COPE: variants seen among roughly 807,000 people sequenced by gnomAD.
COPE encodes coatomer subunit epsilon.
In COPE, 19 loss-of-function variants were observed where a neutral mutation model predicts 42.1. That is an observed-to-expected ratio of 0.45 (90% confidence interval 0.31 to 0.66). The LOEUF is 0.66. Among genes scored for constraint, COPE ranks in the 30% least tolerant of loss-of-function variants. The pLI, the probability that COPE is intolerant of heterozygous loss-of-function variation, is 0.05. For missense variants in COPE, 402 were observed against 416.1 expected (o/e 0.97, Z 0.30); for synonymous variants, 195 against 181.3 (o/e 1.08, Z -0.60).
At chr19:18,912,921 T>C in intron 2 of COPE, 63 bp downstream of exon 2, 1 of 1,548,848 alleles carries the variant, frequency 6.5e-7, no homozygotes, top group South Asian at 1.1e-5. Context: ...GGTGCCTTCC[T>C]GTCCCCAGCC....
chr19:18,906,739 G>GC lies in COPE; in HGVS notation c.443+220dup. 9.6e-6 allele frequency: 5 copies of GC among 522,208 alleles called. No homozygotes were observed. The South Asian group carries it at 1.4e-4, about 15-fold the overall frequency. The allele number at this position is 522,208 out of a possible 1,614,324, so 32.3% of individuals were successfully genotyped here. A position where few individuals can be genotyped will look rare whatever the true frequency, so the allele number is the denominator to read the frequency against. On this transcript the variant is annotated intron_variant, in intron 4 of 9. Coordinates refer to ENST00000262812, the MANE Select transcript of COPE (RefSeq NM_007263.4). ...CTGCCCTTGGGAACAGAGGGTTGCA[G>GC]CCTGGGCACCGTGTCCTTGGATCTG...
chr19:18,909,575 C>T (rs896171865), intron 3 of COPE, among the ~76,000 whole-genome samples: 1 of 148,706 alleles, frequency 6.7e-6, no homozygotes, highest in African/African-American at 2.5e-5. Context: ...CTGGAGTGCA[C>T]TAGTGCGATC....
chr19:18,899,951 C>CA lies in COPE; in HGVS notation c.805-5dup, dbSNP rs2056680706. 1 of 1,611,178 alleles carries CA rather than the reference C, an allele frequency of 6.2e-7. No individual in the cohort carries two copies. The highest frequency in any genetic ancestry group is 1.3e-5 in the African/African-American group (1 of 74,896). On this transcript the variant is annotated splice_polypyrimidine_tract_variant and splice_region_variant and intron_variant, in intron 8 of 9. Transcript: ENST00000262812. Reference sequence around the variant, plus strand: ...GGGACAGGTATCGGTTTGTCACCTGCAGGGGAGGCAGGGAGGCAGGTGAGC... The same window carrying CA: ...GGGACAGGTATCGGTTTGTCACCTGCAAGGGGAGGCAGGGAGGCAGGTGAGC...
At chr19:18,902,091 A>G (rs2056704360) in intron 7 of COPE, among the ~76,000 whole-genome samples, 1 of 150,048 alleles carries the variant, frequency 6.7e-6, no homozygotes, top group Non-Finnish European at 1.5e-5. Flanking sequence ...GAGGCAGGAG[A>G]ATGGCATGAA....
intron 1 of COPE, among the ~76,000 whole-genome samples, chr19:18,915,554 G>A (rs914735684): frequency 6.6e-6 from 1 of 152,176 alleles, no homozygotes; most frequent in East Asian, 1.9e-4. Context: ...GGCTCACTAC[G>A]ATCACCTGGG....
At chr19:18,917,658 C>T (rs1316246476) in intron 1 of COPE, among the ~76,000 whole-genome samples, 1 of 151,962 alleles carries the variant, frequency 6.6e-6, no homozygotes. Context: ...CCACCGCGCC[C>T]GGCCAGGAAA....
intron 1 of COPE, among the ~76,000 whole-genome samples, chr19:18,918,197 AAAAAAAGAAAAG>A (rs897135224): frequency 2.7e-5 from 4 of 149,272 alleles, no homozygotes; most frequent in African/African-American, 9.9e-5. Context: ...CAAAAAAAAA[AAAAAAAGAAAAG>A]AAAAGAAAAG....
At chr19:18,906,928 T>C in intron 4 of COPE, 32 bp downstream of exon 4, 1 of 1,538,654 alleles carries the variant, frequency 6.5e-7, no homozygotes, top group South Asian at 1.2e-5. Context: ...CTTGCCTCCC[T>C]GGGCTGGCCC....
chr19:18,904,840 C>T lies in COPE; in HGVS notation c.510G>A (p.Lys170=). Residue 170 remains lysine, a synonymous_variant, in exon 6 of 10, where the codon AAG becomes AAA. Transcript: ENST00000262812. ...CATCCTCGTCCAGGTCCTGCATTCT[C>T]TTCAGCTCCTTCCTGGGGCGGGGAC... ...DRLDLARKEL[K]RMQDLDEDAT... is the part of the protein sequence containing the mutation. 1 of 1,554,392 alleles carries T rather than the reference C, an allele frequency of 6.4e-7. No homozygotes were observed. The highest frequency in any genetic ancestry group is 8.7e-7 in the Non-Finnish European group (1 of 1,148,566).
chr19:18,905,141 A>G (rs527335466), intron 5 of COPE, among the ~76,000 whole-genome samples: 2 of 152,178 alleles, frequency 1.3e-5, no homozygotes, highest in Admixed American at 6.5e-5. Context: ...GGGAAGGGCA[A>G]CGGAACTACA....
Position 18,903,409 on chromosome 19 carries a change from C to A in COPE, c.594G>T (p.Leu198=). The change falls in exon 7 of 10, where the codon CTG becomes CTT. Residue 198 remains leucine, a synonymous_variant. Coordinates refer to ENST00000262812, the MANE Select transcript of COPE (RefSeq NM_007263.4). The part of the protein sequence containing the change: ...WVSLATGGEK[L]QDAYYIFQEM... ...CCTGGAAGATGTAGTAGGCATCCTG[C>A]AGCTTCTCACCACCCTGCAGGGAGG... The A allele has an allele frequency of 1.9e-6, 3 of 1,610,114 alleles. No individual in the cohort carries two copies. Among genetic ancestry groups the A allele is most frequent in the Non-Finnish European group, 1.7e-6 (2 of 1,177,898 alleles).
chr19:18,903,435 G>A lies in COPE; in HGVS notation c.580-12C>T. On this transcript the variant is annotated splice_polypyrimidine_tract_variant and intron_variant, in intron 6 of 9. Coordinates refer to ENST00000262812, the MANE Select transcript of COPE (RefSeq NM_007263.4). ...AGCTTCTCACCACCCTGCAGGGAGG[G>A]TCCCGCATCATTGCCTGTGCCCCTG... 1.3e-6 allele frequency: 2 copies of A among 1,593,994 alleles called. No homozygotes were observed. Among genetic ancestry groups the A allele is most frequent in the Non-Finnish European group, 1.7e-6 (2 of 1,169,276 alleles).
At chr19:18,900,322 A>C in intron 8 of COPE, 59 bp downstream of exon 8, 29 of 1,408,022 alleles carry the variant, frequency 2.1e-5, no homozygotes, top group Non-Finnish European at 2.6e-5. Flanking sequence ...CCTGGACCCC[A>C]GGCTGGGGTC....
intron 3 of COPE, among the ~76,000 whole-genome samples, chr19:18,908,585 T>C (rs548571625): frequency 5.3e-5 from 8 of 150,312 alleles, no homozygotes; most frequent in Non-Finnish European, 7.4e-5. Flanking sequence ...GGTGCGATCT[T>C]GGCTCACTGC....
chr19:18,905,732 C>A, intron 4 of COPE, 103 bp from the exon 5 acceptor site: 2 of 1,240,552 alleles, frequency 1.6e-6, no homozygotes, highest in Non-Finnish European at 2.3e-6. Flanking sequence ...GTTCCTAAGT[C>A]CTGTGCTTAG....
intron 1 of COPE, among the ~76,000 whole-genome samples, 177 bp downstream of exon 1, chr19:18,919,046 T>C (rs528822434): frequency 1.3e-5 from 2 of 152,370 alleles, no homozygotes; most frequent in South Asian, 4.1e-4. Flanking sequence ...CGTAAACTGT[T>C]ACTGCTCTGG....
intron 1 of COPE, 116 bp from the exon 2 acceptor site, chr19:18,913,162 T>C: frequency 1.1e-6 from 1 of 906,328 alleles, no homozygotes; most frequent in East Asian, 2.5e-5. Flanking sequence ...TCCGGCAGGG[T>C]TGGAGGTCTG....
chr19:18,907,111 C>A lies in COPE; in HGVS notation c.292G>T (p.Asp98Tyr). The change falls in exon 4 of 10, where the codon GAC becomes TAC. Residue 98 changes from aspartate (D) to tyrosine (Y), a missense_variant and splice_region_variant. By Grantham distance (160) the Asp-to-Tyr change is radical. Transcript: ENST00000262812. ...ADYLAHESRR[D>Y]SIVAELDREM... is the part of the protein sequence containing the mutation. ...CGGTCCAGCTCGGCCACGATGCTGT[C>A]CCTGCAAGACAGAGATGCTCACGAC... 6.2e-7 allele frequency: 1 copy of A among 1,611,278 alleles called. No homozygotes were observed. The highest frequency in any genetic ancestry group is 1.3e-5 in the African/African-American group (1 of 75,038).
At chr19:18,908,579 C>T (rs144452815) in intron 3 of COPE, among the ~76,000 whole-genome samples, 1,780 of 147,854 alleles carry the variant, frequency 0.012, 29 homozygotes, top group African/African-American at 0.042. Flanking sequence ...TGCAGTGGTG[C>T]GATCTTGGCT....
Sources: allele counts gnomAD v4.1 joint callset (sites outside exome capture counted in the v4.1 genomes callset), GRCh38; gene constraint gnomAD v4.1.1; transcripts MANE v1.5; gene names NCBI Gene and HGNC (gene_info 2026-07-23, HGNC 2026-07-21).